GABRA1: variants seen among roughly 807,000 people sequenced by gnomAD.
GABRA1 encodes gamma-aminobutyric acid receptor subunit alpha-1.
In GABRA1, 9 loss-of-function variants were observed where a neutral mutation model predicts 48.9. The ratio of observed to expected loss-of-function variants is 0.18; its 90% CI spans 0.11 to 0.32. GABRA1 has a LOEUF of 0.32. GABRA1 is among the 10% of genes least tolerant of loss of function. GABRA1 has a pLI of 1.00. For missense variants in GABRA1, 285 were observed against 553.8 expected (o/e 0.51, Z 4.87); for synonymous variants, 210 against 198.7 (o/e 1.06, Z -0.48).
At chr5:161,871,524 C>A (rs1561574591) in intron 4 of GABRA1, among the ~76,000 whole-genome samples, 1 of 152,196 alleles carries the variant, frequency 6.6e-6, no homozygotes, top group Non-Finnish European at 1.5e-5. Context: ...CAGGCATTGG[C>A]ACATTGTATC....
At chr5:161,896,824 T>C (rs571538647) in intron 9 of GABRA1, among the ~76,000 whole-genome samples, 1 of 152,350 alleles carries the variant, frequency 6.6e-6, no homozygotes, top group East Asian at 1.9e-4. Context: ...GGCTTAACTG[T>C]GTTTATCCCA....
At position 161,873,241 on chromosome 5, in the gene GABRA1, T is replaced by A; in HGVS notation, c.380T>A (p.Phe127Tyr). The change falls in exon 5 of 10, where the codon TTT (phenylalanine) becomes TAT (tyrosine). Residue 127 changes from phenylalanine (F) to tyrosine (Y), a missense_variant. Phe to Tyr is a conservative substitution (Grantham distance 22). Transcript: ENST00000393943. ...AGTAAAATCTGGACTCCGGACACAT[T>A]TTTCCACAATGGAAAGAAGTCAGTG... ...MASKIWTPDT[F>Y]FHNGKKSVAH... The A allele has an allele frequency of 2.5e-6, 4 of 1,613,910 alleles. No individual in the cohort carries two copies. The highest frequency in any genetic ancestry group is 3.4e-6 in the Non-Finnish European group (4 of 1,179,866).
intron 3 of GABRA1, among the ~76,000 whole-genome samples, chr5:161,859,074 T>C (rs1757756087): frequency 6.6e-6 from 1 of 151,798 alleles, no homozygotes; most frequent in Admixed American, 6.6e-5. Flanking sequence ...ATTTTCTTTT[T>C]CCTGTAAATG....
In GABRA1 at chr5:161,897,258, G is replaced by C. The variant is rs775157869; in HGVS notation, c.1207G>C (p.Glu403Gln). 3.1e-6 allele frequency: 5 copies of C among 1,614,098 alleles called. No homozygotes were observed. The highest frequency in any genetic ancestry group is 1.6e-4 in the Middle Eastern group (1 of 6,062). ...CATAGAACCTAAAGAGGTCAAGCCCGAAACAAAACCACCAGAACCCAAGAA... is the reference window on the plus strand; with the variant it reads ...CATAGAACCTAAAGAGGTCAAGCCCCAAACAAAACCACCAGAACCCAAGAA... The part of the protein sequence containing the change: ...ATIEPKEVKP[E>Q]TKPPEPKKTF... Residue 403 changes from glutamate to glutamine, a missense_variant, in exon 10 of 10, where the codon GAA becomes CAA. This residue lies in a region of GABRA1 where 99 missense variants were observed against 94.2 expected (regional missense o/e 1.05). Coordinates refer to ENST00000393943, the MANE Select transcript of GABRA1 (RefSeq NM_001127644.2).
At chr5:161,878,114 C>T (rs1460504314) in intron 6 of GABRA1, among the ~76,000 whole-genome samples, 1 of 152,132 alleles carries the variant, frequency 6.6e-6, no homozygotes, top group Non-Finnish European at 1.5e-5. Flanking sequence ...AAGGCAAATA[C>T]ACTGTAGGTT....
chr5:161,890,231 T>C (rs1369971292), intron 7 of GABRA1, among the ~76,000 whole-genome samples: 1 of 152,004 alleles, frequency 6.6e-6, no homozygotes, highest in Non-Finnish European at 1.5e-5. Context: ...CAAAATCTGG[T>C]TATTAATACA....
At chr5:161,861,558 C>T (rs779591876) in intron 3 of GABRA1, among the ~76,000 whole-genome samples, 5 of 151,522 alleles carry the variant, frequency 3.3e-5, no homozygotes, top group Non-Finnish European at 5.9e-5. Flanking sequence ...ACTGGTCAAA[C>T]GCCTTGAAAC....
intron 5 of GABRA1, among the ~76,000 whole-genome samples, chr5:161,873,925 G>T (rs1323071294): frequency 3.3e-5 from 5 of 152,174 alleles, no homozygotes; most frequent in Non-Finnish European, 7.4e-5. Context: ...TCTATTAAGT[G>T]TTGAATACCT....
At chr5:161,875,768 A>C in intron 6 of GABRA1, 126 bp downstream of exon 6, 2 of 746,990 alleles carry the variant, frequency 2.7e-6, no homozygotes, top group Non-Finnish European at 4.9e-6. Flanking sequence ...TACCACATGG[A>C]CTTTCCATAA....
chr5:161,872,973 T>C (rs995417048), intron 4 of GABRA1, 144 bp from the exon 5 acceptor site: 10 of 710,136 alleles, frequency 1.4e-5, no homozygotes, highest in African/African-American at 8.8e-5. Context: ...AACATGTACA[T>C]GCTATCACAC....
At chr5:161,870,325 G>T (rs1393634854) in intron 4 of GABRA1, among the ~76,000 whole-genome samples, 3 of 152,066 alleles carry the variant, frequency 2.0e-5, no homozygotes, top group African/African-American at 7.2e-5. Flanking sequence ...ACTTTGGGAG[G>T]CCGAGGCGGG....
rs1477893475 is a variant in GABRA1 at position 161,899,649 on chromosome 5, A to T, written c.*2227A>T. ...AATGATTGCAAAGTTTATCAAAAAC[A>T]AATTATTATATGTAGCTTTTCTACA... On this transcript the variant is annotated 3_prime_UTR_variant, in exon 10 of 10. Coordinates refer to ENST00000393943, the MANE Select transcript of GABRA1 (RefSeq NM_001127644.2). 1 of 152,216 alleles carries T rather than the reference A, an allele frequency of 6.6e-6. No homozygotes were observed. Among genetic ancestry groups the T allele is most frequent in the East Asian group, 1.9e-4 (1 of 5,202 alleles). 9.4% of individuals were successfully genotyped at this position (152,216 alleles called of 1,614,324 possible).
At chr5:161,868,023 G>A (rs1318335537) in intron 4 of GABRA1, among the ~76,000 whole-genome samples, 1 of 151,234 alleles carries the variant, frequency 6.6e-6, no homozygotes, top group Non-Finnish European at 1.5e-5. Flanking sequence ...TTTTCTTGGT[G>A]ATAGGTTTAG....
intron 3 of GABRA1, among the ~76,000 whole-genome samples, chr5:161,857,130 T>G (rs1022017711): frequency 6.6e-5 from 10 of 151,160 alleles, no homozygotes; most frequent in African/African-American, 2.4e-4. Flanking sequence ...TCTAAGGGAG[T>G]AAAAGTTTTC....
intron 3 of GABRA1, among the ~76,000 whole-genome samples, chr5:161,856,102 T>C (rs998833355): frequency 1.2e-4 from 18 of 151,322 alleles, no homozygotes; most frequent in African/African-American, 4.4e-4. Context: ...AACCCATTCA[T>C]CAAATAAATT....
At chr5:161,880,578 A>C (rs2113406527) in intron 6 of GABRA1, among the ~76,000 whole-genome samples, 1 of 152,344 alleles carries the variant, frequency 6.6e-6, no homozygotes, top group African/African-American at 2.4e-5. Context: ...ATGTCCCATG[A>C]ACCACTAAAT....
chr5:161,882,495 C>A, intron 6 of GABRA1, 63 bp from the exon 7 acceptor site: 1 of 1,456,584 alleles, frequency 6.9e-7, no homozygotes, highest in Non-Finnish European at 9.6e-7. Context: ...ATGAAAGGTA[C>A]CAACTAAATA....
intron 7 of GABRA1, among the ~76,000 whole-genome samples, chr5:161,890,048 A>C (rs1281926774): frequency 6.6e-6 from 1 of 152,062 alleles, no homozygotes; most frequent in Non-Finnish European, 1.5e-5. Flanking sequence ...TAAGATTTTT[A>C]ACTGAGAAAG....
intron 2 of GABRA1, 100 bp downstream of exon 2, chr5:161,850,984 G>A (rs1397852607): frequency 5.1e-6 from 5 of 989,096 alleles, no homozygotes; most frequent in East Asian, 2.4e-5. Flanking sequence ...TATGACTAAG[G>A]GAATTCAGAA....
Sources: gnomAD v4.1 joint callset for allele counts (sites outside exome capture counted in the v4.1 genomes callset) on GRCh38, gnomAD v4.1.1 for gene constraint, gnomAD v4.1.1 regional missense constraint, MANE v1.5 for transcripts, NCBI Gene and HGNC (gene_info 2026-07-23, HGNC 2026-07-21) for gene names.